DLGAP1: variants seen among roughly 807,000 people sequenced by gnomAD.
DLGAP1 encodes DLG associated protein 1.
In DLGAP1, 11 loss-of-function variants were observed where a neutral mutation model predicts 90.8. The observed-to-expected ratio is 0.12, with a 90% CI of 0.08 to 0.20. DLGAP1 has a LOEUF of 0.20. Ranked by LOEUF, DLGAP1 falls within the 10% of genes least tolerant of loss-of-function variation. DLGAP1 has a pLI of 1.00. For synonymous variants in DLGAP1, 558 were observed against 540.7 expected (o/e 1.03, Z -0.44); for missense variants, 1,050 against 1,333.8 (o/e 0.79, Z 3.31).
At position 3,600,981 on chromosome 18, in the gene DLGAP1, G is replaced by GATATATATAGATATATAGATAGATAT. The variant is rs1207360785; in HGVS notation, c.1592-18734_1592-18733insATATCTATCTATATATCTATATATAT. 2.8e-5 allele frequency among the ~76,000 whole-genome samples: 2 copies of GATATATATAGATATATAGATAGATAT among 71,166 alleles called. 1 individual carries two copies. Among genetic ancestry groups the GATATATATAGATATATAGATAGATAT allele is most frequent in the African/African-American group, 8.6e-5 (2 of 23,194 alleles). 46.7% of individuals were successfully genotyped at this position (71,166 alleles called of 152,430 possible). On this transcript the variant is annotated intron_variant, in intron 7 of 12. Coordinates refer to ENST00000315677, the MANE Select transcript of DLGAP1 (RefSeq NM_004746.4). ...ATATAGATATATAGATAGATATATA[G>GATATATATAGATATATAGATAGATAT]ATATAGATATATAGATATATAGATA...
chr18:4,289,126 C>T (rs921328824), intron 1 of DLGAP1, among the ~76,000 whole-genome samples: 2 of 152,102 alleles, frequency 1.3e-5, no homozygotes, highest in East Asian at 3.9e-4. Context: ...TATTTCAGAG[C>T]CTTCTGAGGG....
intron 1 of DLGAP1, among the ~76,000 whole-genome samples, chr18:4,355,648 C>T (rs551575108): frequency 6.6e-6 from 1 of 151,636 alleles, no homozygotes; most frequent in African/African-American, 2.4e-5. Context: ...GTAGATGGTG[C>T]CCACATCCAT....
At chr18:4,265,360 CG>C (rs1300629876) in intron 1 of DLGAP1, among the ~76,000 whole-genome samples, 4 of 151,562 alleles carry the variant, frequency 2.6e-5, no homozygotes, top group African/African-American at 9.7e-5. Context: ...TAGTAGAGAC[CG>C]GGTTTCACTG....
chr18:4,419,003 T>C (rs1157437258), intron 1 of DLGAP1, among the ~76,000 whole-genome samples: 1 of 152,134 alleles, frequency 6.6e-6, no homozygotes, highest in Non-Finnish European at 1.5e-5. Context: ...ATACATTACA[T>C]GCTGAAGAAC....
chr18:4,123,235 G>A (rs2076180858), intron 2 of DLGAP1, among the ~76,000 whole-genome samples: 1 of 152,104 alleles, frequency 6.6e-6, no homozygotes, highest in East Asian at 1.9e-4. Context: ...TAGTGACCAG[G>A]GAGCCTGGAC....
chr18:4,429,500 C>A (rs867166203), intron 1 of DLGAP1, among the ~76,000 whole-genome samples: 1 of 152,072 alleles, frequency 6.6e-6, no homozygotes, highest in African/African-American at 2.4e-5. Flanking sequence ...ATATTGGACT[C>A]CAAATCACAA....
chr18:4,037,793 C>T (rs2074913322), intron 2 of DLGAP1, among the ~76,000 whole-genome samples: 1 of 152,202 alleles, frequency 6.6e-6, no homozygotes, highest in Non-Finnish European at 1.5e-5. Context: ...AACCCCATCT[C>T]TACCAAAGAT....
At position 3,749,460 on chromosome 18, in the gene DLGAP1, CCTT is replaced by C. The variant is rs371606800; in HGVS notation, c.1173-6951_1173-6949del. ...GAGCCACTGCGCCCGGCCAACATCT[CCTT>C]CTATTTCTTGGGGAATCCAGCCTGG... On this transcript the variant is annotated intron_variant, in intron 5 of 12. Coordinates refer to ENST00000315677, the MANE Select transcript of DLGAP1 (RefSeq NM_004746.4). Among the ~76,000 whole-genome samples the C allele has an allele frequency of 2.2e-3, 332 of 152,182 alleles. 2 individuals carry two copies. The highest frequency in any genetic ancestry group is 7.5e-3 in the African/African-American group (312 of 41,530).
At chr18:3,743,797 A>G (rs2063157423) in intron 5 of DLGAP1, among the ~76,000 whole-genome samples, 2 of 152,028 alleles carry the variant, frequency 1.3e-5, no homozygotes, top group South Asian at 4.1e-4. Flanking sequence ...CAACAGGTAC[A>G]CACCACCATG....
chr18:3,652,000 A>C (rs1164964323), intron 7 of DLGAP1, among the ~76,000 whole-genome samples: 1 of 142,388 alleles, frequency 7.0e-6, no homozygotes, highest in Non-Finnish European at 1.5e-5. Context: ...AACAACAAAA[A>C]ACAAAAAGCA....
chr18:3,645,102 T>C lies in DLGAP1; in HGVS notation c.1592-62854A>G, dbSNP rs1244280778. Among the ~76,000 whole-genome samples, 3 of 152,136 alleles carry C rather than the reference T, an allele frequency of 2.0e-5. No homozygotes were observed. The East Asian group carries it at 5.8e-4, about 29-fold the overall frequency. ...ATTTTTCCCTCGTATTTTAATTTTT[T>C]TGTTTTTCTTTTTTGAGACAGGGTC... On this transcript the variant is annotated intron_variant, in intron 7 of 12. Coordinates refer to ENST00000315677, the MANE Select transcript of DLGAP1 (RefSeq NM_004746.4).
At chr18:4,173,379 T>C (rs1430411874) in intron 1 of DLGAP1, among the ~76,000 whole-genome samples, 1 of 152,200 alleles carries the variant, frequency 6.6e-6, no homozygotes, top group Non-Finnish European at 1.5e-5. Flanking sequence ...TCTGAACTTG[T>C]TGCTGAAGGC....
chr18:3,744,626 A>G (rs2063191412), intron 5 of DLGAP1, among the ~76,000 whole-genome samples: 1 of 152,094 alleles, frequency 6.6e-6, no homozygotes, highest in African/African-American at 2.4e-5. Context: ...GCTCACTGCA[A>G]CCTTCACCTC....
chr18:3,690,265 T>G (rs4798114), intron 7 of DLGAP1, among the ~76,000 whole-genome samples: 19,524 of 151,994 alleles, frequency 0.13, 1,498 homozygotes, highest in South Asian at 0.26. Flanking sequence ...TTTTGTATTT[T>G]TTGTAGAGTT....
intron 1 of DLGAP1, among the ~76,000 whole-genome samples, chr18:4,421,868 C>T (rs984832582): frequency 6.6e-6 from 1 of 152,030 alleles, no homozygotes; most frequent in African/African-American, 2.4e-5. Flanking sequence ...GCCACCATCA[C>T]ATTCAGCTAA....
intron 7 of DLGAP1, among the ~76,000 whole-genome samples, chr18:3,615,325 A>G (rs2057814970): frequency 6.6e-6 from 1 of 152,222 alleles, no homozygotes. Flanking sequence ...TTGTTACCAC[A>G]TAGTTGGTGC....
At chr18:4,065,178 T>A (rs2075353592) in intron 2 of DLGAP1, among the ~76,000 whole-genome samples, 1 of 152,052 alleles carries the variant, frequency 6.6e-6, no homozygotes, top group East Asian at 1.9e-4. Context: ...AAGGAATACC[T>A]CAACATAATA....
At chr18:4,155,523 A>C (rs1256694008) in intron 1 of DLGAP1, among the ~76,000 whole-genome samples, 1 of 152,180 alleles carries the variant, frequency 6.6e-6, no homozygotes, top group East Asian at 1.9e-4. Context: ...GTTGCTGTTT[A>C]GTATATTTTC....
intron 7 of DLGAP1, among the ~76,000 whole-genome samples, chr18:3,663,232 T>C (rs1184168245): frequency 4.6e-5 from 7 of 151,672 alleles, no homozygotes; most frequent in Admixed American, 2.0e-4. Context: ...GATCATGCCA[T>C]TGTACTTCAG....
Sources: allele counts gnomAD v4.1 joint callset (sites outside exome capture counted in the v4.1 genomes callset), GRCh38; gene constraint gnomAD v4.1.1; transcripts MANE v1.5; gene names NCBI Gene and HGNC (gene_info 2026-07-23, HGNC 2026-07-21).